The following ITPKB variants were observed in gnomAD, a reference collection of about 807,000 sequenced individuals.
ITPKB encodes the protein IP3 3-kinase B.
Under a neutral mutation model 69.4 loss-of-function variants are expected in ITPKB, and 13 were observed. The observed-to-expected ratio is 0.19, with a 90% confidence interval of 0.12 to 0.30. The LOEUF is 0.30. Among genes scored for constraint, ITPKB ranks in the 10% least tolerant of loss-of-function variants. ITPKB has a pLI of 1.00. For missense variants in ITPKB, 1,240 were observed against 1,250.5 expected, an observed-to-expected ratio of 0.99 and a Z score of 0.13; for synonymous variants, 584 against 513.7, an observed-to-expected ratio of 1.14 and a Z score of -1.85.
chr1:226,692,242 C>T (rs1224451225), intron 2 of ITPKB, among the ~76,000 whole-genome samples: 1 of 152,058 alleles, frequency 6.6e-6, no homozygotes, highest in Admixed American at 6.6e-5. Flanking sequence ...CTCTCAAAAT[C>T]ATGTGGGTTT....
At position 226,642,641 on chromosome 1, in the gene ITPKB, G is replaced by T. The variant is rs534653025; in HGVS notation, c.2247-516C>A. Among the ~76,000 whole-genome samples, 3 of 152,030 alleles carry T rather than the reference G, an allele frequency of 2.0e-5. No individual in the cohort carries two copies. The highest frequency in any genetic ancestry group is 4.4e-5 in the Non-Finnish European group (3 of 68,006). On this transcript the variant is annotated intron_variant, in intron 4 of 7. Transcript: ENST00000429204. This position sits in a 1 kb window ranked among gnomAD's most constrained non-coding sequence, Gnocchi z 6.4. ...CGGAGGCAGGGCAGCAGGGGGTGTC[G>T]GGGGTGGCTGGTCCTGATCCTGCTG...
intron 2 of ITPKB, among the ~76,000 whole-genome samples, chr1:226,662,309 T>C (rs1669417788): frequency 6.6e-6 from 1 of 152,114 alleles, no homozygotes; most frequent in Admixed American, 6.5e-5. Flanking sequence ...CTGCAGAAAG[T>C]TCAAGAATCT....
Position 226,641,947 on chromosome 1 carries a change from G to A in ITPKB, c.2425C>T (p.Leu809=), listed in dbSNP as rs1668971986. 6.2e-7 allele frequency: 1 copy of A among 1,613,896 alleles called. No homozygotes were observed. Among genetic ancestry groups the A allele is most frequent in the Non-Finnish European group, 8.5e-7 (1 of 1,179,982 alleles). The change falls in exon 5 of 8, where the codon CTG becomes TTG. Residue 809 remains leucine (L), a synonymous_variant. Coordinates refer to ENST00000429204, the MANE Select transcript of ITPKB (RefSeq NM_002221.4). This position sits in a 1 kb window ranked among gnomAD's most constrained non-coding sequence, Gnocchi z 4.6. ...TTGATTCCCTCGATCCTGAACCCCA[G>A]GGTGGCCGTGGAGCTGATGGTCTCC... is the stretch of plus-strand genomic sequence containing the variant. ...WRETISSTAT[L]GFRIEGIKKE...
chr1:226,703,867 A>T (rs1255217520), intron 2 of ITPKB, among the ~76,000 whole-genome samples: 1 of 152,220 alleles, frequency 6.6e-6, no homozygotes, highest in Non-Finnish European at 1.5e-5. Context: ...TGTAGGGTTG[A>T]ACTGTAGGTC....
chr1:226,709,685 A>G (rs1284098453), intron 2 of ITPKB, among the ~76,000 whole-genome samples: 1 of 152,176 alleles, frequency 6.6e-6, no homozygotes, highest in African/African-American at 2.4e-5. Flanking sequence ...ACTGGGGACC[A>G]ACGGTGAGAA....
Position 226,736,795 on chromosome 1 carries a change from C to T in ITPKB, c.664G>A (p.Gly222Arg). 6.2e-7 allele frequency: 1 copy of T among 1,613,092 alleles called. No homozygotes were observed. The highest frequency in any genetic ancestry group is 8.5e-7 in the Non-Finnish European group (1 of 1,180,022). ...ACCTGCGAGGAGCATAGGCTGGGCC[C>T]TCCTTTCCTCCCGGAGTCGGTTCCT... ...TSGTDSGRKG[G>R]PSLCSSQVKK... The change falls in exon 2 of 8, where the codon GGG becomes AGG. Residue 222 changes from glycine (G) to arginine (R), a missense_variant. Physicochemically the swap from Gly to Arg is moderately radical, Grantham distance 125. Transcript: ENST00000429204.
intron 2 of ITPKB, chr1:226,708,003 C>T (rs1656848875): frequency 2.7e-6 from 2 of 750,640 alleles, no homozygotes; most frequent in African/African-American, 3.7e-5. Context: ...AAACTACCCA[C>T]CAAAGGTAGG....
At chr1:226,680,617 C>T (rs1198158633) in intron 2 of ITPKB, among the ~76,000 whole-genome samples, 1 of 152,112 alleles carries the variant, frequency 6.6e-6, no homozygotes, top group Non-Finnish European at 1.5e-5. Context: ...GGGCCCCAGG[C>T]TTTTCAGCAA....
intron 2 of ITPKB, among the ~76,000 whole-genome samples, chr1:226,690,610 G>C (rs1400334284): frequency 6.6e-6 from 1 of 152,178 alleles, no homozygotes; most frequent in Non-Finnish European, 1.5e-5. Context: ...AGTTTCTTCA[G>C]ATATAAAACA....
intron 2 of ITPKB, among the ~76,000 whole-genome samples, chr1:226,720,728 T>C (rs1334525575): frequency 6.6e-6 from 1 of 152,198 alleles, no homozygotes; most frequent in Non-Finnish European, 1.5e-5. Flanking sequence ...GTAGTAAAAT[T>C]ATAACTCCCA....
chr1:226,648,719 A>G lies in ITPKB; in HGVS notation c.1985T>C (p.Met662Thr), dbSNP rs776816083. The G allele has an allele frequency of 3.1e-6, 5 of 1,613,418 alleles. No individual in the cohort carries two copies. Among genetic ancestry groups the G allele is most frequent in the Admixed American group, 1.7e-5 (1 of 60,008 alleles). The change falls in exon 3 of 8, where the codon ATG becomes ACG. Residue 662 changes from methionine (M) to threonine (T), a missense_variant. Transcript: ENST00000429204. The stretch of plus-strand genomic sequence containing the variant: ...CCAGGGGTACTTCTTCTTGAAGGAC[A>G]TGACGAAGGGAGACCAGTGCACCAT... The part of the protein sequence containing the change: ...KNMVHWSPFV[M>T]SFKKKYPWIQ...
chr1:226,663,468 C>T (rs959010847), intron 2 of ITPKB, among the ~76,000 whole-genome samples: 1 of 152,094 alleles, frequency 6.6e-6, no homozygotes, highest in Non-Finnish European at 1.5e-5. Context: ...CTGTTTCCTT[C>T]ACTTCTTGCT....
rs993606859 is a variant in ITPKB at position 226,667,856 on chromosome 1, G to A, written c.1933-19085C>T. ...TGTGTGTGTGTGTGTGTGTGTGTGC[G>A]CGCGCGCGTGCGAAGTGGAGGTTGG... On this transcript the variant is annotated intron_variant, in intron 2 of 7. Coordinates refer to ENST00000429204, the MANE Select transcript of ITPKB (RefSeq NM_002221.4). Among the ~76,000 whole-genome samples the A allele has an allele frequency of 1.0e-4, 15 of 148,610 alleles. No homozygotes were observed. In the South Asian group the frequency reaches 2.7e-3, roughly 27 times the overall value.
At chr1:226,706,152 A>G (rs939945949) in intron 2 of ITPKB, among the ~76,000 whole-genome samples, 1 of 152,278 alleles carries the variant, frequency 6.6e-6, no homozygotes, top group African/African-American at 2.4e-5. Flanking sequence ...ACAAACCTGT[A>G]AGAGTTCAAT....
intron 2 of ITPKB, among the ~76,000 whole-genome samples, chr1:226,671,238 G>A (rs1021419571): frequency 1.3e-5 from 2 of 152,190 alleles, no homozygotes; most frequent in African/African-American, 2.4e-5. Context: ...CTAGGGTGGA[G>A]GCGCCTTCCC....
chr1:226,689,118 C>T (rs1255537053), intron 2 of ITPKB, among the ~76,000 whole-genome samples: 4 of 152,226 alleles, frequency 2.6e-5, no homozygotes, highest in Non-Finnish European at 5.9e-5. Flanking sequence ...CATCTGACAA[C>T]TGGCCTATTT....
intron 2 of ITPKB, among the ~76,000 whole-genome samples, chr1:226,659,932 AG>A (rs1669369402): frequency 6.6e-6 from 1 of 152,198 alleles, no homozygotes; most frequent in Non-Finnish European, 1.5e-5. Flanking sequence ...GCACATGCTA[AG>A]GGCCCAGGCC....
In ITPKB at chr1:226,637,529, C is replaced by T. The variant is rs979507768; in HGVS notation, c.2625+150G>A. On this transcript the variant is annotated intron_variant, in intron 7 of 7. Transcript: ENST00000429204. The surrounding 1 kb of genome is among the most constrained non-coding windows in gnomAD (Gnocchi z 4.3). Reference sequence around the variant, plus strand: ...CCCAGGAAGCATTGAGACGCAGCTCCCCCGTGCAGCGAGGGTCTGGTCCCT... The same window carrying T: ...CCCAGGAAGCATTGAGACGCAGCTCTCCCGTGCAGCGAGGGTCTGGTCCCT... 7.7e-6 allele frequency: 5 copies of T among 646,978 alleles called. No homozygotes were observed. Among genetic ancestry groups the T allele is most frequent in the Non-Finnish European group, 1.4e-5 (5 of 358,528 alleles). The allele number at this position is 646,978 out of a possible 1,614,324, so 40.1% of individuals were successfully genotyped here.
At chr1:226,705,399 C>T (rs118139671) in intron 2 of ITPKB, among the ~76,000 whole-genome samples, 1,602 of 152,134 alleles carry the variant, frequency 0.011, 65 homozygotes, top group South Asian at 0.067. Flanking sequence ...CGTGGTGACG[C>T]GTGCCTGTAA....
Sources: allele counts gnomAD v4.1 joint callset (sites outside exome capture counted in the v4.1 genomes callset), GRCh38; gene constraint gnomAD v4.1.1; non-coding constraint Gnocchi (gnomAD v3.1); transcripts MANE v1.5; gene names NCBI Gene and HGNC (gene_info 2026-07-23, HGNC 2026-07-21).